The following TPO variants were observed in gnomAD, a reference collection of about 807,000 sequenced individuals.
TPO encodes the protein thyroid peroxidase.
In TPO, 78 loss-of-function variants were observed where a neutral mutation model predicts 96.9. The observed-to-expected ratio is 0.81, with a 90% CI of 0.67 to 0.97. The LOEUF (loss-of-function observed/expected upper bound fraction) is 0.97. TPO is among the 50% of genes least tolerant of loss of function. The pLI, the probability that TPO is intolerant of heterozygous loss-of-function variation, is 0.00. For synonymous variants in TPO, 547 were observed against 538.0 expected (o/e 1.02, Z -0.23); for missense variants, 1,252 against 1,274.8 (o/e 0.98, Z 0.27).
In TPO at chr2:1,528,388, C is replaced by G. The variant is rs1677126065; in HGVS notation, c.2618+11406C>G. 2.9e-5 allele frequency among the ~76,000 whole-genome samples: 4 copies of G among 138,786 alleles called. No homozygotes were observed. The South Asian group carries it at 9.9e-4, about 34-fold the overall frequency. 91.0% of individuals were successfully genotyped at this position (138,786 alleles called of 152,430 possible). On this transcript the variant is annotated intron_variant, in intron 15 of 16. Transcript: ENST00000329066. ...TGAGCAACCACCCCAAATCCCGCCA[C>G]TGTGTGCAACCTCCTCAAATCACCC...
intron 2 of TPO, among the ~76,000 whole-genome samples, chr2:1,422,364 G>C (rs796416511): frequency 1.7e-3 from 195 of 117,956 alleles, no homozygotes; most frequent in South Asian, 3.2e-3. Flanking sequence ...CAGGCGCCGC[G>C]CTGGACCGAC....
intron 3 of TPO, among the ~76,000 whole-genome samples, chr2:1,427,389 G>A (rs571913292): frequency 2.5e-4 from 38 of 152,346 alleles, no homozygotes; most frequent in African/African-American, 7.9e-4. Context: ...AGGTTCACCT[G>A]CAGCAGCCAG....
intron 14 of TPO, among the ~76,000 whole-genome samples, chr2:1,506,959 C>G (rs1673532764): frequency 6.6e-6 from 1 of 151,956 alleles, no homozygotes; most frequent in Non-Finnish European, 1.5e-5. Flanking sequence ...AGTCCTTGCC[C>G]ATGCCTATGT....
intron 10 of TPO, among the ~76,000 whole-genome samples, chr2:1,491,379 G>A (rs1224347615): frequency 6.6e-6 from 1 of 152,074 alleles, no homozygotes; most frequent in Non-Finnish European, 1.5e-5. Context: ...TCCTCTTAGA[G>A]CAATAAGAAA....
intron 2 of TPO, among the ~76,000 whole-genome samples, chr2:1,418,029 T>A (rs548647067): frequency 5.1e-4 from 78 of 152,322 alleles, no homozygotes; most frequent in African/African-American, 1.8e-3. Context: ...ACATCTGCAA[T>A]CCCAACACTT....
At chr2:1,480,822 G>T (rs372971741) in intron 8 of TPO, among the ~76,000 whole-genome samples, 227 of 65,398 alleles carry the variant, frequency 3.5e-3, no homozygotes, top group African/African-American at 0.01. Flanking sequence ...TCCACACCAC[G>T]TCCCTGCTGC....
At chr2:1,382,527 T>G (rs780151846) in intron 1 of TPO, among the ~76,000 whole-genome samples, 12 of 152,072 alleles carry the variant, frequency 7.9e-5, no homozygotes, top group Admixed American at 6.5e-5. Flanking sequence ...AATGGAAAAC[T>G]AAAGTATTTT....
chr2:1,503,812 T>G (rs554768170), intron 13 of TPO, 136 bp from the exon 14 acceptor site: 36 of 1,533,656 alleles, frequency 2.3e-5, no homozygotes, highest in Non-Finnish European at 2.3e-5. Flanking sequence ...GGCGGCCGGT[T>G]CCCCCTAGAC....
At chr2:1,431,713 A>G (rs1201329767) in intron 3 of TPO, among the ~76,000 whole-genome samples, 1 of 152,256 alleles carries the variant, frequency 6.6e-6, no homozygotes, top group Non-Finnish European at 1.5e-5. Flanking sequence ...ACAAGTGCTT[A>G]GCACAGCACC....
intron 1 of TPO, among the ~76,000 whole-genome samples, chr2:1,400,558 G>A (rs1558246895): frequency 1.1e-5 from 1 of 89,492 alleles, no homozygotes; most frequent in East Asian, 3.7e-4. Context: ...AAAGAAGTGA[G>A]ACTCTGTCTC....
intron 1 of TPO, among the ~76,000 whole-genome samples, chr2:1,403,483 A>G (rs1442924797): frequency 6.6e-6 from 1 of 152,200 alleles, no homozygotes; most frequent in Non-Finnish European, 1.5e-5. Flanking sequence ...CAGCAGTGGT[A>G]CCTCCATAGC....
rs139545499 is a variant in TPO, at chr2:1,484,597, T to C, written c.1340T>C (p.Ile447Thr). 46 of 1,614,072 alleles carry C rather than the reference T, an allele frequency of 2.8e-5. No homozygotes were observed. The African/African-American group carries it at 5.2e-4, about 18-fold the overall frequency. Residue 447 changes from isoleucine to threonine, a missense_variant and splice_region_variant, in exon 9 of 17, where the codon ATC becomes ACC. By Grantham distance (89) the Ile-to-Thr change is moderately conservative. Coordinates refer to ENST00000329066, the MANE Select transcript of TPO (RefSeq NM_001206744.2). ...GAGATGCTTTTCCTATCTGCACAGATCATCACCCTGAGGGATTACATCCCC... is the reference window on the plus strand; with the variant it reads ...GAGATGCTTTTCCTATCTGCACAGACCATCACCCTGAGGGATTACATCCCC... ...ARKVVGALHQ[I>T]ITLRDYIPRI...
chr2:1,476,390 A>C (rs910619398), intron 7 of TPO, among the ~76,000 whole-genome samples: 3 of 152,202 alleles, frequency 2.0e-5, no homozygotes, highest in Non-Finnish European at 4.4e-5. Context: ...GAAACCTGTA[A>C]ATCTGGAAAA....
At chr2:1,482,237 G>A (rs1015664938) in intron 8 of TPO, among the ~76,000 whole-genome samples, 1 of 152,206 alleles carries the variant, frequency 6.6e-6, no homozygotes, top group South Asian at 2.1e-4. Flanking sequence ...GTCTCCCCGT[G>A]TGCTGGGGTC....
Position 1,494,032 on chromosome 2 carries a change from G to A in TPO, c.1999G>A (p.Gly667Ser), listed in dbSNP as rs1189070046. ...IGKQMKALRD[G>S]DWFWWENSHV... is the part of the protein sequence containing the mutation. Reference sequence around the variant, plus strand: ...GAAGCAGATGAAGGCTCTGCGGGACGGTGACTGGTACGTTCCTATCCAGAG... The same window carrying A: ...GAAGCAGATGAAGGCTCTGCGGGACAGTGACTGGTACGTTCCTATCCAGAG... Residue 667 changes from glycine (G) to serine (S), a missense_variant, in exon 11 of 17, where the codon GGT (glycine) becomes AGT (serine). By Grantham distance (56) the Gly-to-Ser change is moderately conservative. Transcript: ENST00000329066. 1.1e-5 allele frequency: 18 copies of A among 1,613,870 alleles called. No individual in the cohort carries two copies. The highest frequency in any genetic ancestry group is 1.4e-5 in the Non-Finnish European group (17 of 1,179,846).
chr2:1,512,414 C>T (rs572658505), intron 14 of TPO: 44 of 985,326 alleles, frequency 4.5e-5, no homozygotes, highest in Non-Finnish European at 5.1e-5. Flanking sequence ...CAAGGGCGTC[C>T]GAGAGAGCCC....
chr2:1,542,240 C>CT lies in TPO; in HGVS notation c.2749-181_2749-180insT, dbSNP rs150384267. 436 of 806,948 alleles carry CT rather than the reference C, an allele frequency of 5.4e-4. 3 individuals are homozygous for CT. The African/African-American group carries it at 6.2e-3, about 11-fold the overall frequency. The allele number at this position is 806,948 out of a possible 1,614,324, so 50.0% of individuals were successfully genotyped here. ...TCCTCTGTGGCCTCCTGCAAACAAG[C>CT]ATTTGTCCGGAAGCCAGAAACTTCC... is the stretch of plus-strand genomic sequence containing the variant. On this transcript the variant is annotated intron_variant, in intron 16 of 16. Coordinates refer to ENST00000329066, the MANE Select transcript of TPO (RefSeq NM_001206744.2).
intron 2 of TPO, among the ~76,000 whole-genome samples, chr2:1,415,374 T>C (rs1662822900): frequency 1.4e-5 from 2 of 141,870 alleles, no homozygotes; most frequent in South Asian, 2.3e-4. Context: ...GGCAGGTCCC[T>C]GGGCCTCTGG....
intron 15 of TPO, among the ~76,000 whole-genome samples, chr2:1,538,867 C>T (rs750784227): frequency 1.1e-4 from 17 of 152,316 alleles, no homozygotes; most frequent in South Asian, 2.1e-4. Context: ...AGGACGAATG[C>T]GCCTTGCACA....
Sources: gnomAD v4.1 joint callset for allele counts (sites outside exome capture counted in the v4.1 genomes callset) on GRCh38, gnomAD v4.1.1 for gene constraint, MANE v1.5 for transcripts, NCBI Gene and HGNC (gene_info 2026-07-23, HGNC 2026-07-21) for gene names.